The following BICRAL variants were observed in gnomAD, a reference collection of about 807,000 sequenced individuals.
BICRAL encodes BRD4-interacting chromatin-remodeling complex-associated protein-like.
A neutral mutation model predicts 91.8 loss-of-function variants in BICRAL; 8 were observed. That is an observed-to-expected ratio of 0.09 (90% CI 0.05 to 0.16). The LOEUF is 0.16. Among genes scored for constraint, BICRAL ranks in the 10% least tolerant of loss-of-function variants. BICRAL has a pLI of 1.00. For missense variants in BICRAL, 1,038 were observed against 1,310.9 expected (o/e 0.79, Z 3.21); for synonymous variants, 445 against 491.1 (o/e 0.91, Z 1.24).
upstream of BICRAL, among the ~76,000 whole-genome samples, chr6:42,779,221 AAAACACACACACAC>A (rs1232625018): frequency 6.5e-4 from 68 of 105,240 alleles, 1 homozygote; most frequent in African/African-American, 2.5e-3. Context: ...TGTCTCAAGA[AAAACACACACACAC>A]ACACACACAC....
intron 1 of BICRAL, among the ~76,000 whole-genome samples, chr6:42,769,240 G>A (rs1346749373): frequency 1.3e-5 from 2 of 152,184 alleles, no homozygotes; most frequent in South Asian, 2.1e-4. Context: ...CCCGTGAGGC[G>A]GTCTGGCTAC....
intron 1 of BICRAL, among the ~76,000 whole-genome samples, chr6:42,796,329 G>T (rs1169467979): frequency 6.6e-6 from 1 of 152,154 alleles, no homozygotes; most frequent in East Asian, 1.9e-4. Flanking sequence ...CTGGAGGAAG[G>T]GCATTCCAGG....
chr6:42,814,420 C>A (rs1763919066), intron 2 of BICRAL, among the ~76,000 whole-genome samples: 1 of 133,620 alleles, frequency 7.5e-6, no homozygotes, highest in Non-Finnish European at 1.6e-5. Flanking sequence ...TGTATACATA[C>A]ATATATATAC....
At chr6:42,815,604 G>GA (rs1384822245) in intron 2 of BICRAL, among the ~76,000 whole-genome samples, 14 of 151,790 alleles carry the variant, frequency 9.2e-5, no homozygotes, top group African/African-American at 3.4e-4. Flanking sequence ...CCTCTGTGTG[G>GA]AAAAAAAATT....
chr6:42,815,709 C>T (rs1309723844), intron 2 of BICRAL, among the ~76,000 whole-genome samples: 3 of 151,602 alleles, frequency 2.0e-5, no homozygotes, highest in South Asian at 4.2e-4. Context: ...ATTTCTTGGC[C>T]GGGCGTGGTG....
At chr6:42,782,996 G>A (rs1181165377) in intron 1 of BICRAL, among the ~76,000 whole-genome samples, 2 of 151,962 alleles carry the variant, frequency 1.3e-5, no homozygotes, top group Non-Finnish European at 2.9e-5. Context: ...GAGAGGGTGG[G>A]GAGGGAGGCG....
rs190025457 is a variant in BICRAL, at chr6:42,835,704, G to C, written c.1839+5532G>C. 2.0e-5 allele frequency among the ~76,000 whole-genome samples: 3 copies of C among 152,210 alleles called. No individual in the cohort carries two copies. The East Asian group carries it at 5.8e-4, about 29-fold the overall frequency. The stretch of plus-strand genomic sequence containing the variant: ...TCCCAGTACTTCCCAGCAAGCGAAG[G>C]GGGCAGATTGCTTGAGCTCAGGAGC... On this transcript the variant is annotated intron_variant, in intron 6 of 12. Coordinates refer to ENST00000314073, the MANE Select transcript of BICRAL (RefSeq NM_001393499.1).
At chr6:42,810,972 C>G (rs1763828133) in intron 2 of BICRAL, among the ~76,000 whole-genome samples, 1 of 152,146 alleles carries the variant, frequency 6.6e-6, no homozygotes, top group South Asian at 2.1e-4. Flanking sequence ...CTCCCTCTTT[C>G]TGAATACTCT....
rs748268713 is a variant in BICRAL at position 42,822,841 on chromosome 6, A to G, written c.87A>G (p.Lys29=). The change falls in exon 4 of 13, where the codon AAA becomes AAG. Residue 29 remains lysine, a synonymous_variant. Transcript: ENST00000314073. ...LNYFLHGPSN[K]SSNDDLTNAG... ...ATTTTCTACATGGACCTAGTAATAA[A>G]TCTGTAAGTAATGCATAGAATACCA... 5.1e-6 allele frequency: 8 copies of G among 1,560,878 alleles called. No homozygotes were observed. The Admixed American group carries it at 1.3e-4, about 26-fold the overall frequency.
At chr6:42,750,283 C>T (rs187633638) in intron 1 of BICRAL, among the ~76,000 whole-genome samples, 1 of 152,044 alleles carries the variant, frequency 6.6e-6, no homozygotes, top group South Asian at 2.1e-4. Flanking sequence ...ACCTTAGCCT[C>T]CTGAGTAGCT....
intron 1 of BICRAL, among the ~76,000 whole-genome samples, chr6:42,762,329 T>A (rs1762563000): frequency 6.6e-6 from 1 of 152,228 alleles, no homozygotes; most frequent in Non-Finnish European, 1.5e-5. Context: ...AGGACAAAAT[T>A]TAACTGGCTT....
chr6:42,804,005 A>G (rs1763641346), intron 1 of BICRAL, among the ~76,000 whole-genome samples: 1 of 152,022 alleles, frequency 6.6e-6, no homozygotes, highest in African/African-American at 2.4e-5. Flanking sequence ...GTTTTTTGTT[A>G]TTGTTGTTGT....
rs79733234 is a variant in BICRAL, at chr6:42,803,828, T to C, written c.-101-6478T>C. Among the ~76,000 whole-genome samples the C allele has an allele frequency of 3.9e-4, 60 of 152,308 alleles. 2 individuals carry two copies. In the East Asian group the frequency reaches 0.011, roughly 27 times the overall value. ...CAGAGTACACTTACACAAACCTAGA[T>C]GATCTAGCCTACTGCAGACCCAAGC... On this transcript the variant is annotated intron_variant, in intron 1 of 12. Transcript: ENST00000314073.
chr6:42,776,561 T>C (rs1762810834), intron 1 of BICRAL, among the ~76,000 whole-genome samples: 1 of 151,380 alleles, frequency 6.6e-6, no homozygotes, highest in Admixed American at 6.6e-5. Flanking sequence ...TTGCCCAGGC[T>C]GGTCTCAAAC....
At chr6:42,839,361 C>T (rs1041557435) in intron 6 of BICRAL, among the ~76,000 whole-genome samples, 1 of 151,958 alleles carries the variant, frequency 6.6e-6, no homozygotes, top group Non-Finnish European at 1.5e-5. Flanking sequence ...CCCAGGCTGG[C>T]TCTAACTCCT....
intron 12 of BICRAL, among the ~76,000 whole-genome samples, 192 bp downstream of exon 12, chr6:42,862,804 T>G (rs769840590): frequency 3.9e-5 from 6 of 152,128 alleles, no homozygotes; most frequent in Non-Finnish European, 8.8e-5. Flanking sequence ...GCACAGCCAA[T>G]GTTTGTTGGA....
intron 1 of BICRAL, among the ~76,000 whole-genome samples, chr6:42,760,752 G>C (rs1762531526): frequency 6.6e-6 from 1 of 151,712 alleles, no homozygotes; most frequent in African/African-American, 2.4e-5. Context: ...ACCAGGCTTG[G>C]GGCTCCCATC....
Position 42,862,604 on chromosome 6 carries a change from T to A in BICRAL, c.2444T>A (p.Val815Glu). 1 of 1,585,162 alleles carries A rather than the reference T, an allele frequency of 6.3e-7. No individual in the cohort carries two copies. Among genetic ancestry groups the A allele is most frequent in the Non-Finnish European group, 8.7e-7 (1 of 1,153,868 alleles). ...SLSRDKRLAL[V>E]DPEGFQADFC... ...TCCCGAGACAAGCGTTTGGCACTTG[T>A]AGACCCTGGTAAGAAACATCGCAGT... The change falls in exon 12 of 13, where the codon GTA becomes GAA. Residue 815 changes from valine (V) to glutamate (E), a missense_variant. Physicochemically the swap from Val to Glu is moderately radical, Grantham distance 121. Transcript: ENST00000314073.
chr6:42,756,929 C>T (rs1762471599), intron 1 of BICRAL, among the ~76,000 whole-genome samples: 1 of 104,906 alleles, frequency 9.5e-6, no homozygotes, highest in Non-Finnish European at 1.9e-5. Context: ...TCCCCCCCCC[C>T]CACCCTCCCT....
Sources: allele counts gnomAD v4.1 joint callset (sites outside exome capture counted in the v4.1 genomes callset), GRCh38; gene constraint gnomAD v4.1.1; transcripts MANE v1.5; gene names NCBI Gene and HGNC (gene_info 2026-07-23, HGNC 2026-07-21).